Variants in PSIP1 observed in about 807,000 individuals in gnomAD.
PSIP1 encodes the protein PC4 and SRSF1 interacting protein 1.
PSIP1 carries 19 observed loss-of-function variants against 74.7 expected under a neutral mutation model. That is an observed-to-expected ratio of 0.25 (90% confidence interval 0.18 to 0.37). The LOEUF (loss-of-function observed/expected upper bound fraction) is 0.37, where lower values mean the gene tolerates loss of function less well. Among genes scored for constraint, PSIP1 ranks in the 10% least tolerant of loss-of-function variants. The pLI, the probability that PSIP1 is intolerant of heterozygous loss-of-function variation, is 1.00. For synonymous variants in PSIP1, 222 were observed against 195.3 expected, an observed-to-expected ratio of 1.14 and a Z score of -1.14; for missense variants, 601 against 614.3, an observed-to-expected ratio of 0.98 and a Z score of 0.23.
In PSIP1 at chr9:15,466,804, A is replaced by G; in HGVS notation, c.1476T>C (p.His492=). The G allele has an allele frequency of 6.2e-7, 1 of 1,613,410 alleles. No individual in the cohort carries two copies. The highest frequency in any genetic ancestry group is 2.2e-5 in the East Asian group (1 of 44,820). The part of the protein sequence containing the change: ...SDAQDGNQPQ[H]NGESNEDSKD... ...TGCTGTCTTCATTGCTCTCCCCGTT[A>G]TGTTGTGGCTGATTACCATCTTGAG... Residue 492 remains histidine (H), a synonymous_variant, in exon 15 of 16, where the codon CAT becomes CAC. Transcript: ENST00000380733.
In PSIP1 at chr9:15,472,676, T is replaced by G. The variant is rs1361190345; in HGVS notation, c.933A>C (p.Ala311=). The stretch of plus-strand genomic sequence containing the variant: ...CCTCTTGCTTGCGTTTTCGATCTGC[T>G]GCTTCTTTCTCATGTTGGCCTTTCA... The part of the protein sequence containing the change: ...NMLKGQHEKE[A]ADRKRKQEEQ... The change falls in exon 10 of 16, where the codon GCA becomes GCC. Residue 311 remains alanine (A), a synonymous_variant. Coordinates refer to ENST00000380733, the MANE Select transcript of PSIP1 (RefSeq NM_033222.5). 1 of 1,608,402 alleles carries G rather than the reference T, an allele frequency of 6.2e-7. No homozygotes were observed. The highest frequency in any genetic ancestry group is 1.7e-5 in the Admixed American group (1 of 58,580).
chr9:15,491,303 AAAC>A (rs1448930741), intron 3 of PSIP1, among the ~76,000 whole-genome samples: 2 of 152,262 alleles, frequency 1.3e-5, no homozygotes, highest in East Asian at 3.8e-4. Context: ...GCATGGCAAT[AAAC>A]AGACTGCAAA....
intron 4 of PSIP1, among the ~76,000 whole-genome samples, chr9:15,488,498 C>G (rs968474005): frequency 7.9e-5 from 12 of 152,290 alleles, no homozygotes; most frequent in Admixed American, 7.8e-4. Flanking sequence ...ATAAAGACCT[C>G]TCATAGCCCT....
rs1223120713 is a variant in PSIP1 at position 15,465,079 on chromosome 9, C to G, written c.*441G>C. The G allele has an allele frequency of 4.4e-6, 1 of 227,502 alleles. No homozygotes were observed. Among genetic ancestry groups the G allele is most frequent in the Non-Finnish European group, 8.7e-6 (1 of 114,470 alleles). The allele number at this position is 227,502 out of a possible 1,614,324, so 14.1% of individuals were successfully genotyped here. A position where few individuals can be genotyped will look rare whatever the true frequency, so the allele number is the denominator to read the frequency against. On this transcript the variant is annotated 3_prime_UTR_variant, in exon 16 of 16. Transcript: ENST00000380733. ...TATCTACCATAAAAATGTGTAACTT[C>G]TACAAAACCCACAAACAGTGAAAAG...
At chr9:15,494,562 T>C (rs952511561) in intron 3 of PSIP1, among the ~76,000 whole-genome samples, 1 of 32,764 alleles carries the variant, frequency 3.1e-5, no homozygotes, top group Non-Finnish European at 5.1e-5. Flanking sequence ...CAAAACTGCA[T>C]CTCAAAAAAA....
At chr9:15,467,911 G>A (rs1404681594) in intron 14 of PSIP1, among the ~76,000 whole-genome samples, 2 of 151,910 alleles carry the variant, frequency 1.3e-5, no homozygotes, top group East Asian at 1.9e-4. Context: ...ACCATAGGTC[G>A]GGAGTTCAAG....
chr9:15,468,981 T>A lies in PSIP1; in HGVS notation c.1182A>T (p.Thr394=). The A allele has an allele frequency of 6.2e-7, 1 of 1,613,982 alleles. No individual in the cohort carries two copies. The highest frequency in any genetic ancestry group is 8.5e-7 in the Non-Finnish European group (1 of 1,179,952). Residue 394 remains threonine, a synonymous_variant, in exon 13 of 16, where the codon ACA becomes ACT. Coordinates refer to ENST00000380733, the MANE Select transcript of PSIP1 (RefSeq NM_033222.5). Reference sequence around the variant, plus strand: ...CTTTTTTCAGTGTAGTAATCATCTCTGTGTGTTTCTGAGCTTGTTGCATTG... The same window carrying A: ...CTTTTTTCAGTGTAGTAATCATCTCAGTGTGTTTCTGAGCTTGTTGCATTG... ...QVTMQQAQKH[T]EMITTLKKIR...
At chr9:15,491,367 CT>C (rs1317029108) in intron 3 of PSIP1, among the ~76,000 whole-genome samples, 2 of 152,214 alleles carry the variant, frequency 1.3e-5, no homozygotes, top group African/African-American at 2.4e-5. Context: ...CAAGCATTCC[CT>C]TGTACAACCT....
At chr9:15,507,465 T>C (rs758323667) in intron 2 of PSIP1, among the ~76,000 whole-genome samples, 23 of 152,022 alleles carry the variant, frequency 1.5e-4, no homozygotes, top group Non-Finnish European at 2.6e-4. Context: ...CTGACCAATA[T>C]GGTGAAACCC....
chr9:15,501,866 TA>T (rs1554664089), intron 3 of PSIP1, among the ~76,000 whole-genome samples: 3 of 135,654 alleles, frequency 2.2e-5, no homozygotes, highest in Admixed American at 1.5e-4. Context: ...TATATATATA[TA>T]AAACGCACAC....
At chr9:15,496,705 T>C (rs1474248280) in intron 3 of PSIP1, among the ~76,000 whole-genome samples, 1 of 152,234 alleles carries the variant, frequency 6.6e-6, no homozygotes, top group Non-Finnish European at 1.5e-5. Context: ...TAAATTCACG[T>C]ATCTTAATAT....
intron 4 of PSIP1, among the ~76,000 whole-genome samples, chr9:15,488,342 C>T (rs907417975): frequency 2.0e-5 from 3 of 151,840 alleles, no homozygotes; most frequent in African/African-American, 7.3e-5. Context: ...ACAACAACAA[C>T]AAAAAAAAGA....
rs932893785 is a variant in PSIP1 at position 15,510,239 on chromosome 9, GC to G, written c.-52del. ...GAAGCCCGGGAGGCGGCGAGGAGAT[GC>G]GGCGGCGCGGGGATGCGGGCGGCGG... On this transcript the variant is annotated 5_prime_UTR_variant, in exon 2 of 16. Transcript: ENST00000380733. 10 of 1,557,518 alleles carry G rather than the reference GC, an allele frequency of 6.4e-6. No individual in the cohort carries two copies. Among genetic ancestry groups the G allele is most frequent in the Non-Finnish European group, 8.7e-6 (10 of 1,145,176 alleles).
At chr9:15,492,875 T>C (rs1003234777) in intron 3 of PSIP1, among the ~76,000 whole-genome samples, 2 of 152,202 alleles carry the variant, frequency 1.3e-5, no homozygotes, top group African/African-American at 2.4e-5. Context: ...TGGTCCCTTT[T>C]AGCCAAGACT....
At chr9:15,505,933 T>C (rs2037566556) in intron 3 of PSIP1, 1 of 152,198 alleles carries the variant, frequency 6.6e-6, no homozygotes, top group African/African-American at 2.4e-5. Context: ...ATCAACCAGA[T>C]TATATAGTAT....
intron 3 of PSIP1, among the ~76,000 whole-genome samples, chr9:15,502,834 CAGTT>C (rs2037409656): frequency 6.6e-6 from 1 of 152,262 alleles, no homozygotes; most frequent in East Asian, 1.9e-4. Flanking sequence ...TACATGGTCA[CAGTT>C]AGGGCTCACT....
At chr9:15,476,172 C>G (rs931656979) in intron 8 of PSIP1, among the ~76,000 whole-genome samples, 1 of 152,184 alleles carries the variant, frequency 6.6e-6, no homozygotes, top group African/African-American at 2.4e-5. Context: ...ACTCAGCCTA[C>G]GCACAGCATG....
At chr9:15,488,826 C>T (rs527376265) in intron 4 of PSIP1, among the ~76,000 whole-genome samples, 95 of 149,398 alleles carry the variant, frequency 6.4e-4, no homozygotes, top group Non-Finnish European at 6.6e-4. Context: ...TCGAGACCAT[C>T]CTGGCTAACA....
intron 3 of PSIP1, among the ~76,000 whole-genome samples, chr9:15,495,826 T>G (rs2037048461): frequency 6.6e-6 from 1 of 152,246 alleles, no homozygotes; most frequent in African/African-American, 2.4e-5. Context: ...AAGCTTGCCT[T>G]CACTAAGTTT....
Sources: gnomAD v4.1 joint callset for allele counts (sites outside exome capture counted in the v4.1 genomes callset) on GRCh38, gnomAD v4.1.1 for gene constraint, MANE v1.5 for transcripts, NCBI Gene and HGNC (gene_info 2026-07-23, HGNC 2026-07-21) for gene names.